Variants in GPR176 observed in about 807,000 individuals in gnomAD.
GPR176 encodes G-protein coupled receptor 176.
A neutral mutation model predicts 35.4 loss-of-function variants in GPR176; 26 were observed. That is an observed-to-expected ratio of 0.74 (90% CI 0.54 to 1.02). The LOEUF is 1.02. Ranked by LOEUF, GPR176 falls within the 50% of genes least tolerant of loss-of-function variation. GPR176 has a pLI of 0.00. For synonymous variants in GPR176, 278 were observed against 271.3 expected (o/e 1.02, Z -0.24); for missense variants, 597 against 665.3 (o/e 0.90, Z 1.13).
intron 1 of GPR176, among the ~76,000 whole-genome samples, chr15:39,884,746 C>T (rs945325885): frequency 1.3e-5 from 2 of 152,176 alleles, no homozygotes; most frequent in Non-Finnish European, 2.9e-5. Context: ...CCCAGCTTTT[C>T]ATTTTTACCA....
At position 39,829,177 on chromosome 15, in the gene GPR176, C is replaced by T. The variant is rs1900894842; in HGVS notation, c.173-21919G>A. The T allele has an allele frequency of 2.0e-6, 3 of 1,533,276 alleles. No individual in the cohort carries two copies. In the Admixed American group the frequency reaches 5.9e-5, roughly 30 times the overall value. 95.0% of individuals were successfully genotyped at this position (1,533,276 alleles called of 1,614,324 possible). ...TGTGATCACTACGTCACACTGCCTT[C>T]TCATGAAGAGACAACACCTCACAAC... On this transcript the variant is annotated intron_variant, in intron 1 of 2. Coordinates refer to ENST00000561100, the MANE Select transcript of GPR176 (RefSeq NM_007223.3).
At chr15:39,821,139 A>C (rs1900246630) in intron 1 of GPR176, among the ~76,000 whole-genome samples, 1 of 152,180 alleles carries the variant, frequency 6.6e-6, no homozygotes, top group Non-Finnish European at 1.5e-5. Context: ...ATATTAGTTG[A>C]TTTGAATAAC....
intron 1 of GPR176, among the ~76,000 whole-genome samples, chr15:39,876,259 T>A (rs1406210852): frequency 6.6e-6 from 1 of 152,140 alleles, no homozygotes; most frequent in Non-Finnish European, 1.5e-5. Flanking sequence ...ATAACTTCTT[T>A]CATGGTCCTA....
chr15:39,829,027 C>T, intron 1 of GPR176: 1 of 720,418 alleles, frequency 1.4e-6, no homozygotes, highest in Non-Finnish European at 2.5e-6. Flanking sequence ...GAGTTAGGTA[C>T]TATTCTATCC....
intron 1 of GPR176, among the ~76,000 whole-genome samples, chr15:39,815,672 C>T (rs1160221219): frequency 6.6e-6 from 1 of 152,172 alleles, no homozygotes; most frequent in African/African-American, 2.4e-5. Flanking sequence ...ATCAAGTCTA[C>T]TATAAAACGT....
chr15:39,800,751 GC>G lies in GPR176; in HGVS notation c.*380del, dbSNP rs376532539. Reference sequence around the variant, plus strand: ...CTTGGAATTCCCTTAGAGTGCTCCTGCTCCCTGCTCCTGTGAGCTCTGAAAG... The same window carrying G: ...CTTGGAATTCCCTTAGAGTGCTCCTGTCCCTGCTCCTGTGAGCTCTGAAAG... On this transcript the variant is annotated 3_prime_UTR_variant, in exon 3 of 3. Coordinates refer to ENST00000561100, the MANE Select transcript of GPR176 (RefSeq NM_007223.3). 24 of 188,990 alleles carry G rather than the reference GC, an allele frequency of 1.3e-4. No individual in the cohort carries two copies. In the East Asian group the frequency reaches 2.0e-3, roughly 16 times the overall value. The allele number at this position is 188,990 out of a possible 1,614,324, so 11.7% of individuals were successfully genotyped here.
rs769084608 is a variant in GPR176 at position 39,802,154 on chromosome 15, G to C, written c.526C>G (p.Pro176Ala). ...GCCACATTGGTTACTGCAAACACAG[G>C]GACACTGGCCACCACTGCATGGGCC... is the stretch of plus-strand genomic sequence containing the variant. ...IWAHAVVASV[P>A]VFAVTNVADI... Residue 176 changes from proline to alanine, a missense_variant, in exon 3 of 3, where the codon CCT (proline) becomes GCT (alanine). Coordinates refer to ENST00000561100, the MANE Select transcript of GPR176 (RefSeq NM_007223.3). The C allele has an allele frequency of 6.2e-7, 1 of 1,613,974 alleles. No individual in the cohort carries two copies. The highest frequency in any genetic ancestry group is 1.3e-5 in the African/African-American group (1 of 74,874).
chr15:39,862,883 T>C (rs1339397336), intron 1 of GPR176, among the ~76,000 whole-genome samples: 1 of 152,000 alleles, frequency 6.6e-6, no homozygotes, highest in Non-Finnish European at 1.5e-5. Flanking sequence ...CACAGGCAGG[T>C]TCTATAGGAA....
intron 1 of GPR176, among the ~76,000 whole-genome samples, chr15:39,913,071 G>A (rs771252364): frequency 1.3e-5 from 2 of 152,054 alleles, no homozygotes; most frequent in Non-Finnish European, 2.9e-5. Context: ...TCTATCAAAC[G>A]AATGGATAAA....
intron 1 of GPR176, among the ~76,000 whole-genome samples, chr15:39,895,065 C>T (rs1325379184): frequency 6.6e-6 from 1 of 152,220 alleles, no homozygotes. Flanking sequence ...CCGGTCTCCA[C>T]CAAAACCAGT....
chr15:39,848,152 G>C (rs920693269), intron 1 of GPR176, among the ~76,000 whole-genome samples: 1 of 152,042 alleles, frequency 6.6e-6, no homozygotes, highest in Non-Finnish European at 1.5e-5. Context: ...ATTACAATTC[G>C]ACATGAGATT....
intron 1 of GPR176, among the ~76,000 whole-genome samples, chr15:39,901,389 C>A (rs1026556750): frequency 6.6e-6 from 1 of 152,098 alleles, no homozygotes; most frequent in African/African-American, 2.4e-5. Flanking sequence ...AGGGGCCCTG[C>A]CTATTCATAT....
Position 39,802,256 on chromosome 15 carries a change from T to C in GPR176, c.426-2A>G. The C allele has an allele frequency of 6.4e-7, 1 of 1,566,566 alleles. No homozygotes were observed. Among genetic ancestry groups the C allele is most frequent in the Non-Finnish European group, 8.7e-7 (1 of 1,154,852 alleles). ...AGTGGATAGAGGACTGAGTAGTACC[T>C]GCAAGATACACAAACAAAATTAATT... On this transcript the variant is annotated splice_acceptor_variant, in intron 2 of 2. Coordinates refer to ENST00000561100, the MANE Select transcript of GPR176 (RefSeq NM_007223.3). LOFTEE classifies it high-confidence loss of function.
chr15:39,871,871 T>G (rs1408512093), intron 1 of GPR176, among the ~76,000 whole-genome samples: 1 of 152,248 alleles, frequency 6.6e-6, no homozygotes, highest in Non-Finnish European at 1.5e-5. Context: ...ATTCATCTAA[T>G]GTCAATACCA....
intron 1 of GPR176, among the ~76,000 whole-genome samples, chr15:39,907,274 G>A (rs967974220): frequency 6.6e-6 from 1 of 152,226 alleles, no homozygotes; most frequent in Admixed American, 6.5e-5. Flanking sequence ...CTTGCTCGGT[G>A]CCTTCTGCCT....
chr15:39,801,342 A>C lies in GPR176; in HGVS notation c.1338T>G (p.Pro446=). 3.7e-6 allele frequency: 6 copies of C among 1,614,136 alleles called. No homozygotes were observed. The highest frequency in any genetic ancestry group is 5.1e-6 in the Non-Finnish European group (6 of 1,179,976). The change falls in exon 3 of 3, where the codon CCT becomes CCG. Residue 446 remains proline (P), a synonymous_variant. Coordinates refer to ENST00000561100, the MANE Select transcript of GPR176 (RefSeq NM_007223.3). ...AGCCAAACTGCAGGGAATACTTATC[A>C]GGGAATGTTTCAGGTTCCACAGGGG... ...PAAPVEPETF[P]DKYSLQFGFG...
chr15:39,821,197 A>G (rs1430110402), intron 1 of GPR176, among the ~76,000 whole-genome samples: 1 of 152,120 alleles, frequency 6.6e-6, no homozygotes, highest in Non-Finnish European at 1.5e-5. Context: ...AAATAATGCA[A>G]TTTTGAAAAT....
intron 1 of GPR176, among the ~76,000 whole-genome samples, chr15:39,819,294 T>C (rs1373790560): frequency 1.3e-5 from 2 of 152,194 alleles, no homozygotes; most frequent in African/African-American, 2.4e-5. Flanking sequence ...GCAGGGTCCA[T>C]ATCTTCTGCA....
chr15:39,834,679 A>T (rs1901285559), intron 1 of GPR176, among the ~76,000 whole-genome samples: 1 of 152,224 alleles, frequency 6.6e-6, no homozygotes, highest in Non-Finnish European at 1.5e-5. Flanking sequence ...TAATCCAAGC[A>T]CAGAAAAACA....
Sources: allele counts gnomAD v4.1 joint callset (sites outside exome capture counted in the v4.1 genomes callset), GRCh38; gene constraint gnomAD v4.1.1; transcripts MANE v1.5; gene names NCBI Gene and HGNC (gene_info 2026-07-23, HGNC 2026-07-21).